Variants in DPY19L1 observed in about 807,000 individuals in gnomAD.
DPY19L1 encodes the protein protein C-mannosyl-transferase DPY19L1.
DPY19L1 carries 35 observed loss-of-function variants against 96.9 expected under a neutral mutation model. The observed-to-expected ratio is 0.36, with a 90% CI of 0.28 to 0.48. DPY19L1 has a LOEUF of 0.48. Among genes scored for constraint, DPY19L1 ranks in the 20% least tolerant of loss-of-function variants. The pLI is 0.99. For synonymous variants in DPY19L1, 205 were observed against 252.6 expected, an observed-to-expected ratio of 0.81 and a Z score of 1.79; for missense variants, 521 against 777.9, an observed-to-expected ratio of 0.67 and a Z score of 3.93.
chr7:34,949,483 G>T (rs1784225581), intron 14 of DPY19L1, among the ~76,000 whole-genome samples: 1 of 152,216 alleles, frequency 6.6e-6, no homozygotes, highest in South Asian at 2.1e-4. Context: ...GAGTGGAAAT[G>T]TAAGAGTTTG....
intron 1 of DPY19L1, among the ~76,000 whole-genome samples, chr7:35,030,382 T>C (rs1786231295): frequency 1.3e-5 from 2 of 152,218 alleles, no homozygotes; most frequent in African/African-American, 4.8e-5. Flanking sequence ...AAGTAACTGG[T>C]CAAGTGACTT....
intron 12 of DPY19L1, among the ~76,000 whole-genome samples, 155 bp from the exon 13 acceptor site, chr7:34,954,933 G>C (rs1682388247): frequency 6.7e-6 from 1 of 149,152 alleles, no homozygotes; most frequent in African/African-American, 2.5e-5. Context: ...AATCAAGCAT[G>C]TTGCTCAAAA....
chr7:34,939,107 G>T, intron 20 of DPY19L1, 169 bp downstream of exon 20: 1 of 528,462 alleles, frequency 1.9e-6, no homozygotes, highest in South Asian at 3.8e-5. Flanking sequence ...AAGCTTTAAC[G>T]GATTTGTTTA....
At chr7:34,945,931 C>T (rs749065825) in intron 15 of DPY19L1, among the ~76,000 whole-genome samples, 5 of 152,176 alleles carry the variant, frequency 3.3e-5, no homozygotes, top group African/African-American at 7.2e-5. Flanking sequence ...ATATCATCCT[C>T]GTTTTGTAAA....
chr7:34,936,425 C>T (rs1175588075), intron 21 of DPY19L1, among the ~76,000 whole-genome samples: 7 of 152,066 alleles, frequency 4.6e-5, no homozygotes, highest in Non-Finnish European at 2.9e-5. Context: ...AAAAAGGTTA[C>T]GAAAATTATT....
At chr7:35,012,244 A>C (rs1021724176) in intron 4 of DPY19L1, among the ~76,000 whole-genome samples, 1 of 152,220 alleles carries the variant, frequency 6.6e-6, no homozygotes, top group Non-Finnish European at 1.5e-5. Flanking sequence ...AAGCCATCCC[A>C]GATCCAGAGC....
chr7:34,959,713 G>C (rs1425725411), intron 10 of DPY19L1, among the ~76,000 whole-genome samples: 1 of 151,404 alleles, frequency 6.6e-6, no homozygotes, highest in Non-Finnish European at 1.5e-5. Flanking sequence ...AGGGACTGTT[G>C]GGGGCTGGGG....
chr7:35,025,692 C>CTTATAT (rs1786103949), intron 1 of DPY19L1, among the ~76,000 whole-genome samples: 2 of 152,098 alleles, frequency 1.3e-5, no homozygotes. Flanking sequence ...ACTGAAGGTC[C>CTTATAT]ACTCATTATA....
At chr7:35,035,601 T>A (rs1355486489) in intron 1 of DPY19L1, among the ~76,000 whole-genome samples, 9 of 152,206 alleles carry the variant, frequency 5.9e-5, no homozygotes, top group Admixed American at 5.9e-4. Context: ...TCACACACTT[T>A]CTTTTATTAC....
At chr7:34,934,248 C>T (rs900816396) in intron 21 of DPY19L1, among the ~76,000 whole-genome samples, 2 of 152,140 alleles carry the variant, frequency 1.3e-5, no homozygotes, top group Admixed American at 1.3e-4. Flanking sequence ...CAGGCGTGAC[C>T]CACCGCGCCC....
At chr7:35,018,340 T>A (rs1196621120) in intron 2 of DPY19L1, among the ~76,000 whole-genome samples, 2 of 152,202 alleles carry the variant, frequency 1.3e-5, no homozygotes, top group Non-Finnish European at 2.9e-5. Flanking sequence ...CATATTAATG[T>A]TGAGTGGAGT....
At chr7:34,932,755 A>G (rs755588523) in intron 21 of DPY19L1, among the ~76,000 whole-genome samples, 1 of 152,230 alleles carries the variant, frequency 6.6e-6, no homozygotes, top group Non-Finnish European at 1.5e-5. Flanking sequence ...TATGGATATA[A>G]CTGTTGGATG....
rs149642580 is a variant in DPY19L1 at position 34,984,396 on chromosome 7, T to C, written c.822+5488A>G. Among the ~76,000 whole-genome samples, 3 of 152,164 alleles carry C rather than the reference T, an allele frequency of 2.0e-5. No individual in the cohort carries two copies. In the East Asian group the frequency reaches 5.8e-4, roughly 29 times the overall value. On this transcript the variant is annotated intron_variant, in intron 7 of 21. Coordinates refer to ENST00000638088, the MANE Select transcript of DPY19L1 (RefSeq NM_001366673.1). ...AAAGGCCCTGAGGAAGGAAAAGGAA[T>C]AGTCCTTTCTGGAAACAGAAGAAAG...
intron 10 of DPY19L1, among the ~76,000 whole-genome samples, chr7:34,959,925 T>TATA (rs1562806987): frequency 1.6e-5 from 2 of 127,950 alleles, no homozygotes; most frequent in African/African-American, 5.6e-5. Flanking sequence ...ATATATATAT[T>TATA]TATATATATA....
At chr7:34,934,110 CCCA>C (rs1244220010) in intron 21 of DPY19L1, among the ~76,000 whole-genome samples, 1 of 152,008 alleles carries the variant, frequency 6.6e-6, no homozygotes, top group Non-Finnish European at 1.5e-5. Flanking sequence ...ATTACAGGTG[CCCA>C]CCACCACGCC....
At chr7:35,011,947 T>C (rs1562826228) in intron 4 of DPY19L1, among the ~76,000 whole-genome samples, 1 of 152,246 alleles carries the variant, frequency 6.6e-6, no homozygotes, top group East Asian at 1.9e-4. Flanking sequence ...AGTGTGATAC[T>C]GGCACAAGAA....
chr7:35,016,350 C>A (rs998438375), intron 3 of DPY19L1, among the ~76,000 whole-genome samples: 9 of 152,116 alleles, frequency 5.9e-5, no homozygotes, highest in African/African-American at 1.9e-4. Flanking sequence ...TAATGATACT[C>A]CAAAAGAAGG....
intron 21 of DPY19L1, among the ~76,000 whole-genome samples, chr7:34,933,324 C>G (rs1249717048): frequency 2.6e-5 from 4 of 152,332 alleles, no homozygotes; most frequent in Middle Eastern, 3.4e-3. Flanking sequence ...CAGTCCGTAC[C>G]ATTATTATGC....
chr7:34,973,661 A>G, intron 7 of DPY19L1, 56 bp from the exon 8 acceptor site: 1 of 948,818 alleles, frequency 1.1e-6, no homozygotes. Flanking sequence ...AGACATTCCA[A>G]GTAAAAATTG....
Sources: allele counts gnomAD v4.1 joint callset (sites outside exome capture counted in the v4.1 genomes callset), GRCh38; gene constraint gnomAD v4.1.1; transcripts MANE v1.5; gene names NCBI Gene and HGNC (gene_info 2026-07-23, HGNC 2026-07-21).